The following KLHL4 variants were observed in gnomAD, a reference collection of about 807,000 sequenced individuals.
The protein encoded by KLHL4 is kelch-like protein 4.
A neutral mutation model predicts 45.8 loss-of-function variants in KLHL4; 17 were observed. The observed-to-expected ratio is 0.37, with a 90% CI of 0.25 to 0.56. The LOEUF (loss-of-function observed/expected upper bound fraction) is 0.56. Among genes scored for constraint, KLHL4 ranks in the 20% least tolerant of loss-of-function variants. The pLI is 0.79. For synonymous variants in KLHL4, 224 were observed against 189.9 expected, an observed-to-expected ratio of 1.18 and a Z score of -1.47; for missense variants, 544 against 544.9, an observed-to-expected ratio of 1.00 and a Z score of 0.02.
At chrX:87,536,141 C>T (rs906834914) in intron 1 of KLHL4, among the ~76,000 whole-genome samples, 14 of 111,213 alleles carry the variant, frequency 1.3e-4, no homozygotes, top group African/African-American at 4.6e-4. Context: ...CCCATTTAAA[C>T]TGTTACTATT....
chrX:87,586,480 G>A (rs1422680027), intron 1 of KLHL4, among the ~76,000 whole-genome samples: 2 of 111,014 alleles, frequency 1.8e-5, no homozygotes, highest in Non-Finnish European at 3.8e-5. Context: ...ATAAATTTTA[G>A]CAACTATAGA....
intron 1 of KLHL4, among the ~76,000 whole-genome samples, chrX:87,580,642 TAATAA>T (rs1206951343): frequency 1.8e-5 from 2 of 111,783 alleles, no homozygotes; most frequent in African/African-American, 6.5e-5. Context: ...AATTTTATAA[TAATAA>T]AATATCAATT....
chrX:87,641,303 A>G (rs1341787192), intron 9 of KLHL4, among the ~76,000 whole-genome samples: 1 of 111,941 alleles, frequency 8.9e-6, no homozygotes, highest in Non-Finnish European at 1.9e-5. Context: ...TGTTTGCAGG[A>G]GAAGTTTCCA....
intron 1 of KLHL4, among the ~76,000 whole-genome samples, chrX:87,581,143 G>A (rs1921263685): frequency 8.9e-6 from 1 of 112,291 alleles, no homozygotes; most frequent in Non-Finnish European, 1.9e-5. Flanking sequence ...TTCACTTCTT[G>A]TGATAAGGGT....
At chrX:87,588,858 A>G (rs901457817) in intron 1 of KLHL4, among the ~76,000 whole-genome samples, 11 of 110,789 alleles carry the variant, frequency 9.9e-5, no homozygotes, top group Non-Finnish European at 2.1e-4. Flanking sequence ...AGGAAGAGGA[A>G]GAGGAAGAAA....
intron 6 of KLHL4, among the ~76,000 whole-genome samples, chrX:87,628,800 A>C (rs773207865): frequency 1.8e-5 from 2 of 111,938 alleles, no homozygotes; most frequent in African/African-American, 6.5e-5. Flanking sequence ...TCTGACTCAT[A>C]TAACAAGCTC....
intron 9 of KLHL4, among the ~76,000 whole-genome samples, chrX:87,654,644 C>T (rs1341151614): frequency 9.0e-6 from 1 of 111,462 alleles, no homozygotes; most frequent in African/African-American, 3.3e-5. Flanking sequence ...GATGTATTTT[C>T]CTTCAGGTAG....
chrX:87,609,010 G>T (rs766502163), intron 1 of KLHL4, among the ~76,000 whole-genome samples: 113 of 111,064 alleles, frequency 1.0e-3, no homozygotes, highest in South Asian at 6.5e-3. Context: ...AGAACATGTG[G>T]TGTATGGTTT....
Position 87,666,895 on chromosome X carries a change from A to G in KLHL4, c.*361A>G, listed in dbSNP as rs1924387607. 1.4e-6 allele frequency: 1 copy of G among 718,508 alleles called. No homozygotes were observed. The highest frequency in any genetic ancestry group is 8.7e-5 in the Admixed American group (1 of 11,549). 59.2% of individuals were successfully genotyped at this position (718,508 alleles called of 1,213,427 possible). A position where few individuals can be genotyped will look rare whatever the true frequency, so the allele number is the denominator to read the frequency against. ...TACATTTCAAGGTAAGAGCCTTAAA[A>G]GTTAAAAACATTTTCAGTTTTTTTT... On this transcript the variant is annotated 3_prime_UTR_variant, in exon 11 of 11. Coordinates refer to ENST00000373119, the MANE Select transcript of KLHL4 (RefSeq NM_019117.5).
chrX:87,619,500 C>T (rs940637112), intron 4 of KLHL4, among the ~76,000 whole-genome samples: 2 of 111,053 alleles, frequency 1.8e-5, no homozygotes, highest in Non-Finnish European at 3.8e-5. Flanking sequence ...TATGTCCCTG[C>T]GTCCTAAATA....
intron 9 of KLHL4, among the ~76,000 whole-genome samples, chrX:87,642,300 G>A (rs977133209): frequency 9.0e-6 from 1 of 111,289 alleles, no homozygotes; most frequent in African/African-American, 3.3e-5. Flanking sequence ...AACAATCACT[G>A]CAGTTAAGCT....
At chrX:87,540,329 A>G (rs1347156473) in intron 1 of KLHL4, among the ~76,000 whole-genome samples, 1 of 111,766 alleles carries the variant, frequency 8.9e-6, no homozygotes, top group African/African-American at 3.2e-5. Context: ...TTTAACTTTT[A>G]TATTATTTTA....
rs150141666 is a variant in KLHL4 at position 87,619,933 on chromosome X, C to T, written c.924+1805C>T. 4.9e-4 allele frequency among the ~76,000 whole-genome samples: 55 copies of T among 111,546 alleles called. 1 individual carries two copies. In the East Asian group the frequency reaches 0.01, roughly 21 times the overall value. On this transcript the variant is annotated intron_variant, in intron 4 of 10. Coordinates refer to ENST00000373119, the MANE Select transcript of KLHL4 (RefSeq NM_019117.5). ...TTTAATGTCTAAGAATAATACTAAA[C>T]AATTTAGGGATTCAATTGTAATCAT...
At position 87,518,255 on chromosome X, in the gene KLHL4, A is replaced by G. The variant is rs766877636; in HGVS notation, c.362A>G (p.Glu121Gly). Residue 121 changes from glutamate to glycine, a missense_variant, in exon 1 of 11, where the codon GAG (glutamate) becomes GGG (glycine). Physicochemically the swap from Glu to Gly is moderately conservative, Grantham distance 98. Transcript: ENST00000373119. ...PEKNLFKEACEKRAQDLEMMA... is the reference protein window; with the variant it reads ...PEKNLFKEACGKRAQDLEMMA... Reference sequence around the variant, plus strand: ...AAGAATTTATTCAAAGAAGCTTGTGAGAAACGCGCACAAGATTTGGAGATG... The same window carrying G: ...AAGAATTTATTCAAAGAAGCTTGTGGGAAACGCGCACAAGATTTGGAGATG... 2 of 1,211,432 alleles carry G rather than the reference A, an allele frequency of 1.7e-6. No individual in the cohort carries two copies. Among genetic ancestry groups the G allele is most frequent in the South Asian group, 3.5e-5 (2 of 56,996 alleles).
chrX:87,550,960 A>G (rs1332384585), intron 1 of KLHL4, among the ~76,000 whole-genome samples: 1 of 110,826 alleles, frequency 9.0e-6, no homozygotes, highest in Non-Finnish European at 1.9e-5. Flanking sequence ...AAGGATGCCT[A>G]CTCTCATCAC....
At chrX:87,560,555 T>C (rs1320079500) in intron 1 of KLHL4, among the ~76,000 whole-genome samples, 1 of 111,425 alleles carries the variant, frequency 9.0e-6, no homozygotes, top group Non-Finnish European at 1.9e-5. Flanking sequence ...CAGATCTCCG[T>C]AACTTATTAT....
chrX:87,548,845 GAA>G (rs58087826), intron 1 of KLHL4, among the ~76,000 whole-genome samples: 5 of 80,112 alleles, frequency 6.2e-5, no homozygotes, highest in South Asian at 1.3e-3. Context: ...AAGAAAGAAT[GAA>G]AAAAAAAAAA....
chrX:87,648,367 C>T (rs1038691318), intron 9 of KLHL4, among the ~76,000 whole-genome samples: 2 of 111,034 alleles, frequency 1.8e-5, no homozygotes, highest in African/African-American at 3.3e-5. Flanking sequence ...ACAATCAAAA[C>T]CATTGAAGCA....
At position 87,667,562 on chromosome X, in the gene KLHL4, G is replaced by T. The variant is rs1445841222; in HGVS notation, c.*1028G>T. On this transcript the variant is annotated 3_prime_UTR_variant, in exon 11 of 11. Transcript: ENST00000373119. ...TTTTCTGTTACTGTTATATTATCCAGTAGAAAATGTTAGGATATGTGTGCT... is the reference window on the plus strand; with the variant it reads ...TTTTCTGTTACTGTTATATTATCCATTAGAAAATGTTAGGATATGTGTGCT... 1.3e-5 allele frequency: 8 copies of T among 633,227 alleles called. No homozygotes were observed. Among genetic ancestry groups the T allele is most frequent in the Non-Finnish European group, 1.5e-5 (8 of 532,643 alleles). 52.2% of individuals were successfully genotyped at this position (633,227 alleles called of 1,213,427 possible). A position where few individuals can be genotyped will look rare whatever the true frequency, so the allele number is the denominator to read the frequency against.
Sources: allele counts gnomAD v4.1 joint callset (sites outside exome capture counted in the v4.1 genomes callset), GRCh38; gene constraint gnomAD v4.1.1; transcripts MANE v1.5; gene names NCBI Gene and HGNC (gene_info 2026-07-23, HGNC 2026-07-21).